EXOC4: variants seen among roughly 807,000 people sequenced by gnomAD.
EXOC4 encodes exocyst complex component 4.
EXOC4 carries 71 observed loss-of-function variants against 107.2 expected under a neutral mutation model. The observed-to-expected ratio is 0.66, with a 90% confidence interval of 0.55 to 0.81. The LOEUF (loss-of-function observed/expected upper bound fraction) is 0.81, where lower values mean the gene tolerates loss of function less well. Ranked by LOEUF, EXOC4 falls within the 30% of genes least tolerant of loss-of-function variation. EXOC4 has a pLI of 0.00. For synonymous variants in EXOC4, 456 were observed against 441.2 expected, an observed-to-expected ratio of 1.03 and a Z score of -0.42; for missense variants, 1,108 against 1,189.6, an observed-to-expected ratio of 0.93 and a Z score of 1.01.
intron 10 of EXOC4, among the ~76,000 whole-genome samples, chr7:133,812,854 T>G (rs1439816423): frequency 6.6e-6 from 1 of 152,026 alleles, no homozygotes; most frequent in African/African-American, 2.4e-5. Context: ...AATTTACCCC[T>G]CCCGGAAATT....
intron 1 of EXOC4, among the ~76,000 whole-genome samples, chr7:133,261,973 G>A (rs1041620033): frequency 9.9e-5 from 15 of 152,190 alleles, no homozygotes; most frequent in African/African-American, 3.6e-4. Flanking sequence ...AGACTTCCGT[G>A]TGCTGCAGCT....
At chr7:133,989,516 A>G (rs887987670) in intron 14 of EXOC4, among the ~76,000 whole-genome samples, 2 of 138,014 alleles carry the variant, frequency 1.4e-5, no homozygotes, top group Non-Finnish European at 3.1e-5. Flanking sequence ...GAAGGAAACT[A>G]TGGAAGAAAT....
intron 7 of EXOC4, among the ~76,000 whole-genome samples, chr7:133,438,862 A>G (rs11766325): frequency 6.6e-6 from 1 of 152,176 alleles, no homozygotes; most frequent in East Asian, 1.9e-4. Context: ...TGTTTTCCTT[A>G]TCTCAAAAAC....
intron 5 of EXOC4, among the ~76,000 whole-genome samples, chr7:133,325,530 A>G (rs1037058411): frequency 6.6e-6 from 1 of 152,142 alleles, no homozygotes; most frequent in Non-Finnish European, 1.5e-5. Context: ...AGAATGTTGT[A>G]TATTGGCCCC....
At chr7:134,086,394 G>A in the EXOC4 span, among the ~76,000 whole-genome samples, 102 of 152,224 alleles carry the variant, frequency 6.7e-4, no homozygotes, top group African/African-American at 2.4e-3. Context: ...AAAATTATTC[G>A]AAGTATTGTA....
Position 133,558,790 on chromosome 7 carries a change from T to G in EXOC4, c.1418-71255T>G, listed in dbSNP as rs1467156547. Among the ~76,000 whole-genome samples, 5 of 152,320 alleles carry G rather than the reference T, an allele frequency of 3.3e-5. No homozygotes were observed. The East Asian group carries it at 7.7e-4, about 24-fold the overall frequency. ...ACACTTCAAATCATTTAATACACTTTCATTTGCTCAGAAGAGAAATGCTAC... is the reference window on the plus strand; with the variant it reads ...ACACTTCAAATCATTTAATACACTTGCATTTGCTCAGAAGAGAAATGCTAC... On this transcript the variant is annotated intron_variant, in intron 9 of 17. Transcript: ENST00000253861.
chr7:133,568,269 C>T (rs76193090), intron 9 of EXOC4, among the ~76,000 whole-genome samples: 6,234 of 151,578 alleles, frequency 0.041, 424 homozygotes, highest in African/African-American at 0.14. Context: ...GGGAATACAG[C>T]AATTTGAGAT....
chr7:133,324,817 G>T (rs1795199461), intron 5 of EXOC4, among the ~76,000 whole-genome samples: 1 of 152,172 alleles, frequency 6.6e-6, no homozygotes, highest in African/African-American at 2.4e-5. Context: ...GGGTGTTAAA[G>T]TCTCCCATTA....
intron 10 of EXOC4, among the ~76,000 whole-genome samples, chr7:133,669,240 C>G (rs1359048456): frequency 6.6e-6 from 1 of 151,936 alleles, no homozygotes; most frequent in African/African-American, 2.4e-5. Flanking sequence ...GCAGCCTTTA[C>G]AGTGGTGAGA....
intron 9 of EXOC4, among the ~76,000 whole-genome samples, chr7:133,579,390 A>G (rs906537302): frequency 6.6e-6 from 1 of 152,224 alleles, no homozygotes; most frequent in Non-Finnish European, 1.5e-5. Context: ...GGGACACAGT[A>G]TGTATATCTT....
At chr7:133,850,877 A>G (rs1290740261) in intron 11 of EXOC4, among the ~76,000 whole-genome samples, 3 of 152,132 alleles carry the variant, frequency 2.0e-5, no homozygotes, top group Non-Finnish European at 4.4e-5. Context: ...TGGCAAAACA[A>G]GTTTGCTTTC....
intron 11 of EXOC4, among the ~76,000 whole-genome samples, chr7:133,884,639 G>C (rs1799042653): frequency 6.6e-6 from 1 of 151,564 alleles, no homozygotes; most frequent in Non-Finnish European, 1.5e-5. Context: ...GTGTGATGGT[G>C]CTGGAGATGT....
chr7:133,416,822 G>A (rs1797486407), intron 7 of EXOC4, among the ~76,000 whole-genome samples: 1 of 152,154 alleles, frequency 6.6e-6, no homozygotes, highest in African/African-American at 2.4e-5. Context: ...AAGCTAAGCC[G>A]ATGTTGGAGT....
At chr7:133,492,524 A>C (rs960553640) in intron 9 of EXOC4, among the ~76,000 whole-genome samples, 1 of 152,180 alleles carries the variant, frequency 6.6e-6, no homozygotes, top group Non-Finnish European at 1.5e-5. Context: ...CTTTCCCTCA[A>C]GTGTAAGGCT....
At chr7:134,051,350 G>C (rs1303131157) in intron 17 of EXOC4, among the ~76,000 whole-genome samples, 3 of 152,212 alleles carry the variant, frequency 2.0e-5, no homozygotes, top group Admixed American at 2.0e-4. Flanking sequence ...AAGAAACTCA[G>C]AGGGAGCTGG....
chr7:133,324,673 G>T (rs1795194364), intron 5 of EXOC4, among the ~76,000 whole-genome samples: 1 of 152,146 alleles, frequency 6.6e-6, no homozygotes. Flanking sequence ...GTGCTGAGAA[G>T]AATGCATATT....
chr7:133,466,434 A>G (rs964616508), intron 7 of EXOC4, among the ~76,000 whole-genome samples: 8 of 152,194 alleles, frequency 5.3e-5, no homozygotes, highest in Non-Finnish European at 1.0e-4. Flanking sequence ...TGAGACTACT[A>G]TGATATGCCA....
chr7:133,589,567 A>G (rs1801490638), intron 9 of EXOC4, among the ~76,000 whole-genome samples: 1 of 152,254 alleles, frequency 6.6e-6, no homozygotes, highest in Admixed American at 6.5e-5. Flanking sequence ...TGTCTGCAGC[A>G]GATCGGAGCA....
chr7:133,813,851 C>A (rs1055337710), intron 10 of EXOC4, among the ~76,000 whole-genome samples: 2 of 152,060 alleles, frequency 1.3e-5, no homozygotes, highest in Non-Finnish European at 2.9e-5. Flanking sequence ...TTCATCCCCC[C>A]ACCACACATA....
Sources: gnomAD v4.1 joint callset for allele counts (sites outside exome capture counted in the v4.1 genomes callset) on GRCh38, gnomAD v4.1.1 for gene constraint, MANE v1.5 for transcripts, NCBI Gene and HGNC (gene_info 2026-07-23, HGNC 2026-07-21) for gene names.